The following ZNF407 variants were observed in gnomAD, a reference collection of about 807,000 sequenced individuals.
The protein encoded by ZNF407 is zinc finger protein 407.
A neutral mutation model predicts 131.2 loss-of-function variants in ZNF407; 17 were observed. The ratio of observed to expected loss-of-function variants is 0.13; its 90% CI spans 0.09 to 0.19. The LOEUF is 0.19. ZNF407 is among the 10% of genes least tolerant of loss of function. The pLI is 1.00. For missense variants in ZNF407, 2,681 were observed against 2,830.6 expected (o/e 0.95, Z 1.20); for synonymous variants, 1,156 against 1,062.0 (o/e 1.09, Z -1.72).
chr18:75,011,022 G>A (rs992775456), intron 8 of ZNF407, among the ~76,000 whole-genome samples: 1 of 152,144 alleles, frequency 6.6e-6, no homozygotes, highest in Non-Finnish European at 1.5e-5. Flanking sequence ...CAGTGAGTAG[G>A]AAGGGTGGTG....
intron 4 of ZNF407, among the ~76,000 whole-genome samples, chr18:74,783,468 G>A (rs1210217940): frequency 1.3e-5 from 2 of 151,852 alleles, no homozygotes; most frequent in Non-Finnish European, 2.9e-5. Context: ...ATATGTGCAT[G>A]TATGTATATA....
chr18:74,847,332 C>A (rs1280359855), intron 4 of ZNF407, among the ~76,000 whole-genome samples: 1 of 152,136 alleles, frequency 6.6e-6, no homozygotes, highest in Admixed American at 6.5e-5. Flanking sequence ...CTCATATCAA[C>A]CACTCCATGT....
intron 1 of ZNF407, among the ~76,000 whole-genome samples, chr18:74,615,647 T>C (rs1272456819): frequency 6.6e-6 from 1 of 152,206 alleles, no homozygotes; most frequent in Non-Finnish European, 1.5e-5. Flanking sequence ...TGAAGAAAAT[T>C]TATATTCTGC....
intron 8 of ZNF407, among the ~76,000 whole-genome samples, chr18:75,019,080 G>A (rs9807681): frequency 0.018 from 2,764 of 152,144 alleles, 74 homozygotes; most frequent in African/African-American, 0.057. Flanking sequence ...GGTTAAATTA[G>A]AAGATCAAAT....
chr18:74,892,671 T>A (rs1276515713), intron 7 of ZNF407, among the ~76,000 whole-genome samples: 2 of 152,236 alleles, frequency 1.3e-5, no homozygotes, highest in East Asian at 3.8e-4. Flanking sequence ...GTTAAAAATT[T>A]ATTAAATCCA....
At chr18:74,773,702 G>T (rs542627891) in intron 3 of ZNF407, among the ~76,000 whole-genome samples, 1 of 152,276 alleles carries the variant, frequency 6.6e-6, no homozygotes, top group East Asian at 1.9e-4. Context: ...TTAGAATAAT[G>T]AAAAGATATA....
intron 4 of ZNF407, among the ~76,000 whole-genome samples, chr18:74,821,999 G>C (rs1321604115): frequency 1.3e-5 from 2 of 152,166 alleles, no homozygotes; most frequent in African/African-American, 4.8e-5. Flanking sequence ...TTGTGGTTTT[G>C]ATTTGCATTT....
intron 8 of ZNF407, among the ~76,000 whole-genome samples, chr18:74,926,619 G>T (rs1306641291): frequency 1.3e-5 from 2 of 152,208 alleles, no homozygotes; most frequent in East Asian, 3.9e-4. Context: ...CCTGGCCAAT[G>T]TAGTGAAATC....
Position 74,635,845 on chromosome 18 carries a change from T to A in ZNF407, c.4687+139T>A. On this transcript the variant is annotated intron_variant, in intron 2 of 8. Transcript: ENST00000299687. This position sits in a 1 kb window ranked among gnomAD's most constrained non-coding sequence, Gnocchi z 4.7. ...ACTGCCGTGTGCTGCTCTGCTTGTC[T>A]GCAATAAGTCATTGTTGACACTTAA... 2.6e-6 allele frequency: 3 copies of A among 1,160,094 alleles called. No homozygotes were observed. The highest frequency in any genetic ancestry group is 2.4e-6 in the Non-Finnish European group (2 of 850,974). The allele number at this position is 1,160,094 out of a possible 1,614,324, so 71.9% of individuals were successfully genotyped here.
At chr18:74,869,490 C>T (rs1417483018) in intron 4 of ZNF407, among the ~76,000 whole-genome samples, 1 of 152,208 alleles carries the variant, frequency 6.6e-6, no homozygotes, top group African/African-American at 2.4e-5. Flanking sequence ...ACCTGTTCTT[C>T]TCATGTTGAA....
intron 1 of ZNF407, among the ~76,000 whole-genome samples, chr18:74,601,388 C>T (rs1252107541): frequency 1.3e-5 from 2 of 150,872 alleles, no homozygotes; most frequent in African/African-American, 2.4e-5. Context: ...ATGGCAAGAC[C>T]GGCCTTCATG....
At chr18:74,840,256 C>G (rs897258582) in intron 4 of ZNF407, among the ~76,000 whole-genome samples, 15 of 152,058 alleles carry the variant, frequency 9.9e-5, no homozygotes, top group Admixed American at 3.9e-4. Context: ...AGATGCAGGA[C>G]TTAGTCTTTG....
In ZNF407 at chr18:74,631,894, A is replaced by G; in HGVS notation, c.875A>G (p.Lys292Arg). The change falls in exon 2 of 9, where the codon AAA becomes AGA. Residue 292 changes from lysine to arginine, a missense_variant. Physicochemically the swap from Lys to Arg is conservative, Grantham distance 26. Coordinates refer to ENST00000299687, the MANE Select transcript of ZNF407 (RefSeq NM_017757.3). ...QILTKQPFPK[K>R]SRTMATKNVH... ...TTAACAAAACAACCTTTTCCTAAAA[A>G]ATCACGTACAATGGCAACAAAAAAT... The G allele has an allele frequency of 2.5e-6, 4 of 1,613,824 alleles. No individual in the cohort carries two copies. Among genetic ancestry groups the G allele is most frequent in the Non-Finnish European group, 3.4e-6 (4 of 1,179,864 alleles).
At chr18:74,858,437 T>C (rs964898896) in intron 4 of ZNF407, among the ~76,000 whole-genome samples, 3 of 152,208 alleles carry the variant, frequency 2.0e-5, no homozygotes, top group African/African-American at 7.2e-5. Context: ...GTAGCCATAC[T>C]ACCTATCCTG....
At chr18:74,823,257 A>G (rs1599177468) in intron 4 of ZNF407, among the ~76,000 whole-genome samples, 1 of 152,240 alleles carries the variant, frequency 6.6e-6, no homozygotes, top group South Asian at 2.1e-4. Context: ...CTGCAAAAAC[A>G]TAGGAAATTG....
At chr18:74,599,615 T>G (rs529278554) in intron 1 of ZNF407, among the ~76,000 whole-genome samples, 15 of 152,326 alleles carry the variant, frequency 9.8e-5, no homozygotes, top group African/African-American at 3.4e-4. Flanking sequence ...GGTGAAAGCT[T>G]CTTGCAGGAT....
chr18:75,061,776 C>CTCCG (rs1973636744), intron 8 of ZNF407: 1 of 152,646 alleles, frequency 6.6e-6, no homozygotes, highest in Non-Finnish European at 1.5e-5. Flanking sequence ...ATGCACCCAG[C>CTCCG]TCCGGCTCTC....
intron 1 of ZNF407, chr18:74,598,208 A>C (rs6566818): frequency 0.99 from 150,849 of 152,336 alleles, 74,709 homozygotes; most frequent in Middle Eastern, 1. Flanking sequence ...CCCAGGCCCC[A>C]GCTGCCGCCC....
intron 8 of ZNF407, among the ~76,000 whole-genome samples, chr18:75,004,944 A>G (rs916669827): frequency 3.3e-5 from 5 of 152,176 alleles, no homozygotes; most frequent in Admixed American, 6.5e-5. Flanking sequence ...GAGGGCCTCT[A>G]TCAGCGGTGT....
Sources: allele counts gnomAD v4.1 joint callset (sites outside exome capture counted in the v4.1 genomes callset), GRCh38; gene constraint gnomAD v4.1.1; non-coding constraint Gnocchi (gnomAD v3.1); transcripts MANE v1.5; gene names NCBI Gene and HGNC (gene_info 2026-07-23, HGNC 2026-07-21).